NCAPD3: variants seen among roughly 807,000 people sequenced by gnomAD.
The protein encoded by NCAPD3 is non-SMC condensin II complex subunit D3, also known as condensin-2 complex subunit D3.
Under a neutral mutation model 182.9 loss-of-function variants are expected in NCAPD3, and 105 were observed. The observed-to-expected ratio is 0.57, with a 90% CI of 0.49 to 0.68. The LOEUF is 0.68. Ranked by LOEUF, NCAPD3 falls within the 30% of genes least tolerant of loss-of-function variation. NCAPD3 has a pLI of 0.00. For missense variants in NCAPD3, 1,944 were observed against 1,837.0 expected (o/e 1.06, Z -1.07); for synonymous variants, 815 against 679.9 (o/e 1.20, Z -3.09).
rs188400586 is a variant in NCAPD3 at position 134,165,054 on chromosome 11, G to A, written c.3573+2942C>T. On this transcript the variant is annotated intron_variant, in intron 27 of 34. Coordinates refer to ENST00000534548, the MANE Select transcript of NCAPD3 (RefSeq NM_015261.3). ...AGCTTAGAGGAGCTGCACACACTTA[G>A]ATTAGCTGAGGGGGAGCGGCACACT... 5.4e-4 allele frequency among the ~76,000 whole-genome samples: 80 copies of A among 147,332 alleles called. 1 individual carries two copies. The highest frequency in any genetic ancestry group is 5.2e-3 in the Admixed American group (76 of 14,704).
upstream of NCAPD3, chr11:134,224,299 C>T (rs1938367333): frequency 9.4e-6 from 3 of 318,370 alleles, no homozygotes; most frequent in Non-Finnish European, 1.8e-5. Context: ...TTGCCCTCGT[C>T]AGGCGACATT....
intron 22 of NCAPD3, 200 bp downstream of exon 22, chr11:134,178,434 T>C (rs893382656): frequency 1.2e-5 from 5 of 409,356 alleles, no homozygotes; most frequent in Admixed American, 8.1e-5. Flanking sequence ...TGAGGACTTA[T>C]CAGCCTGAGG....
At chr11:134,167,474 G>C in intron 27 of NCAPD3, among the ~76,000 whole-genome samples, 1 of 141,902 alleles carries the variant, frequency 7.0e-6, no homozygotes, top group Admixed American at 7.0e-5. Flanking sequence ...ACACTCACTT[G>C]TGAGATGAGC....
At chr11:134,168,427 T>C (rs774678958) in intron 26 of NCAPD3, 42 bp downstream of exon 26, 2 of 1,610,670 alleles carry the variant, frequency 1.2e-6, no homozygotes, top group Non-Finnish European at 1.7e-6. Flanking sequence ...CAGCATTTCA[T>C]TTGCAAACAC....
chr11:134,178,830 G>A lies in NCAPD3; in HGVS notation c.2666C>T (p.Ala889Val), dbSNP rs1307562464. Residue 889 changes from alanine (A) to valine (V), a missense_variant, in exon 21 of 35, where the codon GCT becomes GTT. By Grantham distance (64) the Ala-to-Val change is moderately conservative. Transcript: ENST00000534548. ...IQSVLASSADADHSPSSQGSS... is the reference protein window; with the variant it reads ...IQSVLASSADVDHSPSSQGSS... ...GATTTCAAATGCCTTACAGTGGTCA[G>A]CATCAGCAGACGAAGCCAGGACGGA... 1 of 1,613,956 alleles carries A rather than the reference G, an allele frequency of 6.2e-7. No homozygotes were observed. The highest frequency in any genetic ancestry group is 8.5e-7 in the Non-Finnish European group (1 of 1,179,930).
intron 11 of NCAPD3, 37 bp downstream of exon 11, chr11:134,203,617 A>G (rs1374490364): frequency 6.3e-7 from 1 of 1,598,164 alleles, no homozygotes; most frequent in African/African-American, 1.3e-5. Context: ...CAATGAGCAC[A>G]AGACCGGTTT....
At chr11:134,154,593 TCGCCCCTCCTGGGTGGTG>T (rs1943366101) in intron 32 of NCAPD3, among the ~76,000 whole-genome samples, 10 of 144,198 alleles carry the variant, frequency 6.9e-5, no homozygotes, top group East Asian at 2.1e-4. Context: ...TGGTGCAGCC[TCGCCCCTCCTGGGTGGTG>T]CAGCCTCGCC....
chr11:134,167,080 C>A (rs578220477), intron 27 of NCAPD3, among the ~76,000 whole-genome samples: 1 of 98,998 alleles, frequency 1.0e-5, no homozygotes, highest in Admixed American at 9.2e-5. Flanking sequence ...GGGAGCTGCA[C>A]ACTCACTAGT....
intron 16 of NCAPD3, chr11:134,186,224 T>A (rs1026171841): frequency 6.6e-6 from 1 of 152,204 alleles, no homozygotes; most frequent in African/African-American, 2.4e-5. Context: ...TGAGACAGGG[T>A]CTCACTCTGT....
chr11:134,165,650 C>CACTT (rs1381127724), intron 27 of NCAPD3, among the ~76,000 whole-genome samples: 1 of 140,742 alleles, frequency 7.1e-6, no homozygotes. Flanking sequence ...GGCCCACACT[C>CACTT]GTGAGATGAG....
chr11:134,209,858 C>G, intron 4 of NCAPD3: 1 of 216,586 alleles, frequency 4.6e-6, no homozygotes, highest in Non-Finnish European at 9.2e-6. Flanking sequence ...AGTTCGAGAC[C>G]AGCCTGGCCA....
intron 24 of NCAPD3, among the ~76,000 whole-genome samples, chr11:134,175,140 C>G (rs143399832): frequency 2.0e-5 from 3 of 152,290 alleles, no homozygotes; most frequent in African/African-American, 7.2e-5. Context: ...ATCCCACATA[C>G]AGTTTACTCA....
intron 27 of NCAPD3, among the ~76,000 whole-genome samples, chr11:134,164,675 T>G (rs978781808): frequency 6.9e-6 from 1 of 144,458 alleles, no homozygotes; most frequent in Non-Finnish European, 1.5e-5. Flanking sequence ...TTGGGGGAGC[T>G]GCACACTCAC....
At chr11:134,221,917 AAAG>A (rs1365456734) in intron 1 of NCAPD3, among the ~76,000 whole-genome samples, 2 of 152,232 alleles carry the variant, frequency 1.3e-5, no homozygotes, top group East Asian at 1.9e-4. Context: ...ATGCTGCCTG[AAAG>A]AAGATCTGAA....
In NCAPD3 at chr11:134,158,024, T is replaced by G. The variant is rs748329322; in HGVS notation, c.4078A>C (p.Lys1360Gln). The change falls in exon 31 of 35, where the codon AAA (lysine) becomes CAA (glutamine). Residue 1360 changes from lysine to glutamine, a missense_variant. Lys to Gln is a moderately conservative substitution (Grantham distance 53, BLOSUM62 1). Around this residue, in one of 3 missense-constraint regions of NCAPD3, gnomAD observed 1,803 missense variants for 1,674.6 expected, o/e 1.08. Coordinates refer to ENST00000534548, the MANE Select transcript of NCAPD3 (RefSeq NM_015261.3). ...STIAILNSVK[K>Q]AVESKSRHRS... The stretch of plus-strand genomic sequence containing the variant: ...TGCCTGCTCTTTGACTCCACGGCTT[T>G]CTTGACAGAATTCAGGATTGCAATG... The G allele has an allele frequency of 6.2e-6, 10 of 1,614,184 alleles. 1 individual carries two copies. In the East Asian group the frequency reaches 2.2e-4, roughly 36 times the overall value.
At chr11:134,207,742 C>CAAAAAAAA (rs34965902) in intron 7 of NCAPD3, among the ~76,000 whole-genome samples, 1 of 62,098 alleles carries the variant, frequency 1.6e-5, no homozygotes, top group African/African-American at 5.7e-5. Flanking sequence ...GACTGCGTCT[C>CAAAAAAAA]AAAAAAAAAA....
intron 27 of NCAPD3, among the ~76,000 whole-genome samples, chr11:134,165,715 G>T (rs1314632488): frequency 3.4e-5 from 4 of 118,796 alleles, no homozygotes; most frequent in African/African-American, 1.3e-4. Flanking sequence ...GCGCACACTC[G>T]TGAGATGAGC....
intron 1 of NCAPD3, among the ~76,000 whole-genome samples, chr11:134,222,589 G>C (rs1376179695): frequency 6.6e-6 from 1 of 152,198 alleles, no homozygotes; most frequent in African/African-American, 2.4e-5. Flanking sequence ...ACAGTCAATA[G>C]ATGGTATTTA....
upstream of NCAPD3, chr11:134,224,079 A>C: frequency 6.7e-6 from 6 of 890,210 alleles, no homozygotes; most frequent in Non-Finnish European, 5.2e-6. Context: ...TCAACCAATC[A>C]CCGGCGTCGT....
Sources: allele counts gnomAD v4.1 joint callset (sites outside exome capture counted in the v4.1 genomes callset), GRCh38; gene constraint gnomAD v4.1.1; regional missense constraint gnomAD v4.1.1; transcripts MANE v1.5; gene names NCBI Gene and HGNC (gene_info 2026-07-23, HGNC 2026-07-21).